The following CHSY3 variants were observed in gnomAD, a reference collection of about 807,000 sequenced individuals.
CHSY3 encodes the protein N-acetylgalactosaminyl-proteoglycan 3-beta-glucuronosyltransferase 3.
A neutral mutation model predicts 67.2 loss-of-function variants in CHSY3; 35 were observed. The ratio of observed to expected loss-of-function variants is 0.52; its 90% CI spans 0.40 to 0.69. The LOEUF (loss-of-function observed/expected upper bound fraction) is 0.69. Ranked by LOEUF, CHSY3 falls within the 30% of genes least tolerant of loss-of-function variation. CHSY3 has a pLI of 0.00. For missense variants in CHSY3, 1,069 were observed against 1,138.5 expected (o/e 0.94, Z 0.88); for synonymous variants, 474 against 434.7 (o/e 1.09, Z -1.12).
chr5:129,917,798 T>C (rs1315092770), intron 2 of CHSY3, among the ~76,000 whole-genome samples: 1 of 152,168 alleles, frequency 6.6e-6, no homozygotes, highest in African/African-American at 2.4e-5. Context: ...CAATGGACTT[T>C]GAAAAAATTC....
chr5:130,127,295 A>G (rs1768325439), intron 2 of CHSY3, among the ~76,000 whole-genome samples: 1 of 152,162 alleles, frequency 6.6e-6, no homozygotes, highest in Non-Finnish European at 1.5e-5. Context: ...ATTTCATGCC[A>G]TGCTCTGTGC....
chr5:130,035,886 G>GTTTTTTTTTTTTTT (rs1180462327), intron 2 of CHSY3, among the ~76,000 whole-genome samples: 11 of 65,558 alleles, frequency 1.7e-4, no homozygotes, highest in Middle Eastern at 0.011. Flanking sequence ...TCATTTGGTT[G>GTTTTTTTTTTTTTT]TTTTTTTTTT....
intron 2 of CHSY3, among the ~76,000 whole-genome samples, chr5:130,181,810 A>AT (rs1417979904): frequency 6.6e-6 from 1 of 152,040 alleles, no homozygotes; most frequent in Non-Finnish European, 1.5e-5. Flanking sequence ...GGCTTCTTTC[A>AT]TTTTTTGTGA....
intron 2 of CHSY3, among the ~76,000 whole-genome samples, chr5:130,036,841 A>G (rs1281049587): frequency 6.6e-6 from 1 of 152,110 alleles, no homozygotes; most frequent in Non-Finnish European, 1.5e-5. Flanking sequence ...TAAATGTTAA[A>G]GATAGAAGAA....
chr5:130,052,985 A>G (rs1765411653), intron 2 of CHSY3, among the ~76,000 whole-genome samples: 1 of 152,108 alleles, frequency 6.6e-6, no homozygotes, highest in Admixed American at 6.5e-5. Flanking sequence ...ACAGCAAACA[A>G]GGAGTGAATT....
In CHSY3 at chr5:130,186,376, TGAG is replaced by T. The variant is rs951099949; in HGVS notation, c.*589_*591del. Reference sequence around the variant, plus strand: ...ATTTTTTAAAAAAAGTTTTAAAAATTGAGGAGTTTTGTTCCACAAGCAACCGGT... The same window carrying T: ...ATTTTTTAAAAAAAGTTTTAAAAATTGAGTTTTGTTCCACAAGCAACCGGT... On this transcript the variant is annotated 3_prime_UTR_variant, in exon 3 of 3. Coordinates refer to ENST00000305031, the MANE Select transcript of CHSY3 (RefSeq NM_175856.5). The T allele has an allele frequency of 2.0e-5, 3 of 150,804 alleles. No homozygotes were observed. Among genetic ancestry groups the T allele is most frequent in the South Asian group, 4.1e-4 (2 of 4,832 alleles). 9.3% of individuals were successfully genotyped at this position (150,804 alleles called of 1,614,324 possible).
intron 2 of CHSY3, among the ~76,000 whole-genome samples, chr5:130,048,216 C>A (rs1370449832): frequency 6.6e-6 from 1 of 151,794 alleles, no homozygotes; most frequent in Non-Finnish European, 1.5e-5. Flanking sequence ...GCAGGGTGGG[C>A]TTTTATGTGT....
chr5:130,029,316 C>T (rs1764643115), intron 2 of CHSY3, among the ~76,000 whole-genome samples: 1 of 152,042 alleles, frequency 6.6e-6, no homozygotes, highest in Non-Finnish European at 1.5e-5. Flanking sequence ...TTATTTCATC[C>T]TCATAACATT....
chr5:130,184,232 C>A lies in CHSY3; in HGVS notation c.1090C>A (p.Gln364Lys). 4.0e-6 allele frequency: 6 copies of A among 1,496,182 alleles called. No homozygotes were observed. The highest frequency in any genetic ancestry group is 5.4e-6 in the Non-Finnish European group (6 of 1,120,838). The allele number at this position is 1,496,182 out of a possible 1,614,324, so 92.7% of individuals were successfully genotyped here. Residue 364 changes from glutamine to lysine, a missense_variant, in exon 3 of 3, where the codon CAA (glutamine) becomes AAA (lysine). Transcript: ENST00000305031. Reference sequence around the variant, plus strand: ...TTTTTTTAATTTTACTTTTCAGATGCAACAACTGTTCCATGAAAATTATGA... The same window carrying A: ...TTTTTTTAATTTTACTTTTCAGATGAAACAACTGTTCCATGAAAATTATGA... Reference protein sequence around the residue: ...GTQCVWSYEMQQLFHENYEHN... With the variant: ...GTQCVWSYEMKQLFHENYEHN...
intron 2 of CHSY3, among the ~76,000 whole-genome samples, chr5:130,171,029 C>T (rs934226804): frequency 2.6e-5 from 4 of 152,030 alleles, no homozygotes; most frequent in African/African-American, 7.2e-5. Flanking sequence ...AGGGTGTGTG[C>T]GTGTTTGCAA....
intron 2 of CHSY3, among the ~76,000 whole-genome samples, chr5:130,065,435 T>A (rs975745011): frequency 1.3e-5 from 2 of 152,238 alleles, no homozygotes; most frequent in East Asian, 3.9e-4. Flanking sequence ...TTAGAATTTC[T>A]GATTATGGGG....
intron 2 of CHSY3, among the ~76,000 whole-genome samples, chr5:130,100,495 A>T (rs1767206349): frequency 6.6e-6 from 1 of 152,130 alleles, no homozygotes; most frequent in East Asian, 1.9e-4. Context: ...TATATCCTTG[A>T]TGCTCATACA....
In CHSY3 at chr5:130,185,397, C is replaced by G. The variant is rs1232334825; in HGVS notation, c.2255C>G (p.Pro752Arg). Reference sequence around the variant, plus strand: ...CCCATCATCTTTAGCCAGTATGACCCAAAGGTAACAAACGGGGGAAATCCT... The same window carrying G: ...CCCATCATCTTTAGCCAGTATGACCGAAAGGTAACAAACGGGGGAAATCCT... The part of the protein sequence containing the change: ...YYPIIFSQYD[P>R]KVTNGGNPPT... The change falls in exon 3 of 3, where the codon CCA (proline) becomes CGA (arginine). Residue 752 changes from proline (P) to arginine (R), a missense_variant. Pro to Arg is a moderately radical substitution (Grantham distance 103, BLOSUM62 -2). Around this residue, in one of 5 missense-constraint regions of CHSY3, gnomAD observed 4 missense variants for 16.5 expected, o/e 0.24. Coordinates refer to ENST00000305031, the MANE Select transcript of CHSY3 (RefSeq NM_175856.5). The G allele has an allele frequency of 6.2e-7, 1 of 1,612,268 alleles. No homozygotes were observed. Among genetic ancestry groups the G allele is most frequent in the Non-Finnish European group, 8.5e-7 (1 of 1,178,462 alleles).
At chr5:130,150,956 T>A (rs1769217173) in intron 2 of CHSY3, among the ~76,000 whole-genome samples, 1 of 152,226 alleles carries the variant, frequency 6.6e-6, no homozygotes, top group Non-Finnish European at 1.5e-5. Flanking sequence ...GGTCTGCCTG[T>A]CCATTCCCTT....
intron 2 of CHSY3, among the ~76,000 whole-genome samples, chr5:130,118,457 CACAT>C (rs1767892735): frequency 6.6e-6 from 1 of 151,308 alleles, no homozygotes; most frequent in South Asian, 2.1e-4. Flanking sequence ...CACACACACA[CACAT>C]ATACACATAC....
chr5:129,998,624 GA>G (rs1462486286), intron 2 of CHSY3, among the ~76,000 whole-genome samples: 1 of 151,996 alleles, frequency 6.6e-6, no homozygotes, highest in African/African-American at 2.4e-5. Context: ...TATTGTTTAT[GA>G]AAAATCTTTT....
intron 2 of CHSY3, among the ~76,000 whole-genome samples, chr5:129,913,380 ATACTT>A (rs763089093): frequency 5.9e-5 from 9 of 152,240 alleles, no homozygotes; most frequent in Non-Finnish European, 1.0e-4. Context: ...CATATTTAAA[ATACTT>A]TAATTTATGG....
chr5:129,947,207 G>A (rs2149598571), intron 2 of CHSY3, among the ~76,000 whole-genome samples: 1 of 152,240 alleles, frequency 6.6e-6, no homozygotes, highest in Non-Finnish European at 1.5e-5. Context: ...CCATTATAAA[G>A]CCATCAGATC....
At chr5:130,035,433 A>G (rs556680622) in intron 2 of CHSY3, among the ~76,000 whole-genome samples, 2 of 152,306 alleles carry the variant, frequency 1.3e-5, no homozygotes, top group East Asian at 3.9e-4. Flanking sequence ...AAAATCACAT[A>G]TGCATTTGGT....
Sources: gnomAD v4.1 joint callset for allele counts (sites outside exome capture counted in the v4.1 genomes callset) on GRCh38, gnomAD v4.1.1 for gene constraint, gnomAD v4.1.1 regional missense constraint, MANE v1.5 for transcripts, NCBI Gene and HGNC (gene_info 2026-07-23, HGNC 2026-07-21) for gene names.